The following HERC1 variants were observed in gnomAD, a reference collection of about 807,000 sequenced individuals.
HERC1 encodes the protein HECT and RLD domain containing E3 ubiquitin protein ligase family member 1.
In HERC1, 160 loss-of-function variants were observed where a neutral mutation model predicts 554.3. That is an observed-to-expected ratio of 0.29 (90% confidence interval 0.25 to 0.33). HERC1 has a LOEUF of 0.33. Among genes scored for constraint, HERC1 ranks in the 10% least tolerant of loss-of-function variants. The pLI, the probability that HERC1 is intolerant of heterozygous loss-of-function variation, is 1.00. For missense variants in HERC1, 4,919 were observed against 5,918.5 expected (o/e 0.83, Z 5.54); for synonymous variants, 2,175 against 2,131.7 (o/e 1.02, Z -0.56).
chr15:63,622,473 C>G (rs1393462913), intron 74 of HERC1, among the ~76,000 whole-genome samples: 1 of 152,042 alleles, frequency 6.6e-6, no homozygotes, highest in Non-Finnish European at 1.5e-5. Context: ...GCTGGGATTA[C>G]AGGCATGTGC....
At chr15:63,634,236 T>C (rs2068684923) in intron 66 of HERC1, among the ~76,000 whole-genome samples, 3 of 152,226 alleles carry the variant, frequency 2.0e-5, no homozygotes, top group Non-Finnish European at 4.4e-5. Flanking sequence ...AGAGGAAAAG[T>C]ATACATGACC....
At chr15:63,679,905 TTAATA>T (rs1567005776) in intron 36 of HERC1, among the ~76,000 whole-genome samples, 167 bp downstream of exon 36, 1 of 152,210 alleles carries the variant, frequency 6.6e-6, no homozygotes, top group Non-Finnish European at 1.5e-5. Flanking sequence ...TGCCTTAATA[TTAATA>T]TATCGTAAAG....
At chr15:63,784,668 C>T (rs927949638) in intron 1 of HERC1, among the ~76,000 whole-genome samples, 3 of 151,780 alleles carry the variant, frequency 2.0e-5, no homozygotes, top group African/African-American at 7.3e-5. Flanking sequence ...AGTGCAGTGG[C>T]GCAATCTCGG....
In HERC1 at chr15:63,687,305, C is replaced by A. The variant is rs543455989; in HGVS notation, c.6049-770G>T. Among the ~76,000 whole-genome samples the A allele has an allele frequency of 7.2e-5, 11 of 152,052 alleles. No individual in the cohort carries two copies. The South Asian group carries it at 1.2e-3, about 17-fold the overall frequency. ...TTGTAATCCCAGCAATTTGAGAGAC[C>A]GAAGCGGGCGGATCACAAGGTCAGT... On this transcript the variant is annotated intron_variant, in intron 33 of 77. Transcript: ENST00000443617.
At chr15:63,768,468 A>G (rs2075851047) in intron 2 of HERC1, among the ~76,000 whole-genome samples, 1 of 152,234 alleles carries the variant, frequency 6.6e-6, no homozygotes, top group Non-Finnish European at 1.5e-5. Context: ...CTAGACATAC[A>G]ATGTGTTGCT....
Position 63,775,700 on chromosome 15 carries a change from A to G in HERC1, c.-26-51T>C. The stretch of plus-strand genomic sequence containing the variant: ...CAAAAACATACAGAGGACTCATAAA[A>G]TGTTTCCAAAATTTCATCTTACATT... On this transcript the variant is annotated intron_variant, in intron 1 of 77. Transcript: ENST00000443617. This position sits in a 1 kb window ranked among gnomAD's most constrained non-coding sequence, Gnocchi z 4.0. The G allele has an allele frequency of 1.7e-6, 2 of 1,203,372 alleles. No homozygotes were observed. The highest frequency in any genetic ancestry group is 2.4e-6 in the Non-Finnish European group (2 of 850,990). The allele number at this position is 1,203,372 out of a possible 1,614,324, so 74.5% of individuals were successfully genotyped here.
At chr15:63,623,546 G>A (rs985051155) in intron 73 of HERC1, among the ~76,000 whole-genome samples, 179 bp downstream of exon 73, 10 of 152,180 alleles carry the variant, frequency 6.6e-5, no homozygotes, top group South Asian at 4.1e-4. Flanking sequence ...TTGACAAAGC[G>A]TTTCAAAAGC....
intron 12 of HERC1, among the ~76,000 whole-genome samples, chr15:63,739,195 CTTTTTT>C (rs1205943240): frequency 2.0e-5 from 2 of 102,250 alleles, no homozygotes; most frequent in East Asian, 2.3e-4. Context: ...CACTAATATA[CTTTTTT>C]TTTTTTTTTT....
intron 16 of HERC1, 31 bp downstream of exon 16, chr15:63,729,205 G>T: frequency 6.4e-7 from 1 of 1,571,946 alleles, no homozygotes; most frequent in Non-Finnish European, 8.6e-7. Context: ...CTTAATGACT[G>T]ATTAAATTTG....
At chr15:63,615,694 G>C (rs2067785599) in intron 76 of HERC1, 74 bp downstream of exon 76, 3 of 1,186,604 alleles carry the variant, frequency 2.5e-6, no homozygotes, top group Middle Eastern at 4.0e-4. Flanking sequence ...AGCAGATTTT[G>C]GCATACCCAG....
At chr15:63,672,823 T>A in intron 38 of HERC1, 129 bp from the exon 39 acceptor site, 1 of 656,348 alleles carries the variant, frequency 1.5e-6, no homozygotes. Flanking sequence ...TCAATTTCTA[T>A]GAAAGATTGA....
At position 63,640,342 on chromosome 15, in the gene HERC1, G is replaced by A. The variant is rs1023093728; in HGVS notation, c.11711C>T (p.Pro3904Leu). The change falls in exon 61 of 78, where the codon CCA (proline) becomes CTA (leucine). Residue 3904 changes from proline to leucine, a missense_variant. Coordinates refer to ENST00000443617, the MANE Select transcript of HERC1 (RefSeq NM_003922.4). ...ACAGTTCTGGTGGTGTGGTGGCACT[G>A]GAGGGTTACACAACAGCTGATCCAG... The part of the protein sequence containing the change: ...LHLDQLLCNP[P>L]VPPHHQNCLP... 13 of 1,613,810 alleles carry A rather than the reference G, an allele frequency of 8.1e-6. No individual in the cohort carries two copies. The highest frequency in any genetic ancestry group is 1.0e-5 in the Non-Finnish European group (12 of 1,179,750).
rs751397526 is a variant in HERC1 at position 63,813,871 on chromosome 15, C to G, written c.-27+19956G>C. ...TCACCTGAGGTCAGGAGTTTGAGAC[C>G]AGCCTGGTGAAACCCCGTCTCTACA... On this transcript the variant is annotated intron_variant, in intron 1 of 77. Coordinates refer to ENST00000443617, the MANE Select transcript of HERC1 (RefSeq NM_003922.4). Among the ~76,000 whole-genome samples, 46 of 151,782 alleles carry G rather than the reference C, an allele frequency of 3.0e-4. 1 individual carries two copies. The highest frequency in any genetic ancestry group is 6.5e-4 in the Non-Finnish European group (44 of 68,014).
At position 63,678,349 on chromosome 15, in the gene HERC1, A is replaced by G; in HGVS notation, c.6566T>C (p.Met2189Thr). Residue 2189 changes from methionine to threonine, a missense_variant, in exon 37 of 78, where the codon ATG (methionine) becomes ACG (threonine). Coordinates refer to ENST00000443617, the MANE Select transcript of HERC1 (RefSeq NM_003922.4). ...NPGEKVKICD[M>T]QMRGTPRDLL... The stretch of plus-strand genomic sequence containing the variant: ...GTCTCGGGGTGTGCCACGCATCTGC[A>G]TATCACAAATTTTCACCTATATAAA... 5 of 1,595,854 alleles carry G rather than the reference A, an allele frequency of 3.1e-6. No individual in the cohort carries two copies. Among genetic ancestry groups the G allele is most frequent in the East Asian group, 4.5e-5 (2 of 44,654 alleles).
At chr15:63,797,286 A>G (rs1203974587) in intron 1 of HERC1, among the ~76,000 whole-genome samples, 1 of 152,242 alleles carries the variant, frequency 6.6e-6, no homozygotes, top group African/African-American at 2.4e-5. Context: ...GCTAGAGGTC[A>G]CAAGACAAGT....
At chr15:63,679,004 C>T (rs1351409203) in intron 36 of HERC1, among the ~76,000 whole-genome samples, 3 of 152,178 alleles carry the variant, frequency 2.0e-5, no homozygotes, top group Non-Finnish European at 4.4e-5. Context: ...GCCAGTCACA[C>T]TGTAAATGTT....
rs1213854466 is a variant in HERC1, at chr15:63,718,083, G to C, written c.3978+491C>G. 6.6e-5 allele frequency among the ~76,000 whole-genome samples: 5 copies of C among 75,626 alleles called. No individual in the cohort carries two copies. The highest frequency in any genetic ancestry group is 1.3e-4 in the Non-Finnish European group (4 of 31,502). The allele number at this position is 75,626 out of a possible 152,430, so 49.6% of individuals were successfully genotyped here. On this transcript the variant is annotated intron_variant, in intron 21 of 77. Coordinates refer to ENST00000443617, the MANE Select transcript of HERC1 (RefSeq NM_003922.4). The surrounding 1 kb of genome is among the most constrained non-coding windows in gnomAD (Gnocchi z 4.2). ...AGTATTTTTAAGGCAGCTATTATGTGACACACACACACACACACACACACA... is the reference window on the plus strand; with the variant it reads ...AGTATTTTTAAGGCAGCTATTATGTCACACACACACACACACACACACACA...
intron 74 of HERC1, among the ~76,000 whole-genome samples, chr15:63,618,173 C>A (rs75260658): frequency 0.81 from 122,263 of 150,252 alleles, 51,633 homozygotes; most frequent in Non-Finnish European, 0.88. Flanking sequence ...ATCTTGAATT[C>A]ATTTTTGTAT....
chr15:63,695,005 T>C (rs2072318450), intron 27 of HERC1, 111 bp from the exon 28 acceptor site: 14 of 931,202 alleles, frequency 1.5e-5, no homozygotes, highest in Middle Eastern at 3.4e-4. Context: ...ACGATGGTTT[T>C]TAATTATTTA....
Sources: gnomAD v4.1 joint callset for allele counts (sites outside exome capture counted in the v4.1 genomes callset) on GRCh38, gnomAD v4.1.1 for gene constraint, Gnocchi (gnomAD v3.1) non-coding constraint, MANE v1.5 for transcripts, NCBI Gene and HGNC (gene_info 2026-07-23, HGNC 2026-07-21) for gene names.